RBM34: variants seen among roughly 807,000 people sequenced by gnomAD.
RBM34 encodes RNA binding motif protein 34.
Under a neutral mutation model 44.6 loss-of-function variants are expected in RBM34, and 39 were observed. The ratio of observed to expected loss-of-function variants is 0.87; its 90% CI spans 0.68 to 1.14. RBM34 has a LOEUF of 1.14. Ranked by LOEUF, RBM34 falls within the 50% of genes most tolerant of loss-of-function variation. The probability of loss-of-function intolerance (pLI) is 0.00; values close to 1 mark genes in which losing one functional copy is unlikely to be tolerated. For synonymous variants in RBM34, 194 were observed against 184.0 expected (o/e 1.05, Z -0.44); for missense variants, 572 against 517.9 (o/e 1.10, Z -1.01).
chr1:235,158,347 C>T (rs552908439), intron 3 of RBM34, among the ~76,000 whole-genome samples: 21 of 150,192 alleles, frequency 1.4e-4, no homozygotes, highest in Non-Finnish European at 2.7e-4. Context: ...AACCCAGAGG[C>T]GGAGGTTGCA....
intron 4 of RBM34, among the ~76,000 whole-genome samples, chr1:235,154,102 T>C (rs1164160698): frequency 6.6e-6 from 1 of 151,838 alleles, no homozygotes; most frequent in Admixed American, 6.6e-5. Context: ...AAAAATTAGC[T>C]GGGCGTGGTG....
intron 3 of RBM34, among the ~76,000 whole-genome samples, chr1:235,158,097 C>A (rs528935177): frequency 1.3e-5 from 2 of 151,434 alleles, no homozygotes; most frequent in Non-Finnish European, 2.9e-5. Context: ...AGATTAGAAT[C>A]GTGAGCACGT....
intron 3 of RBM34, among the ~76,000 whole-genome samples, chr1:235,158,737 G>C (rs1020102756): frequency 6.6e-6 from 1 of 152,172 alleles, no homozygotes; most frequent in Admixed American, 6.5e-5. Flanking sequence ...CTTGAGGAGA[G>C]TGGCAAAGAA....
intron 5 of RBM34, among the ~76,000 whole-genome samples, chr1:235,151,583 T>C (rs1662159851): frequency 6.6e-6 from 1 of 152,164 alleles, no homozygotes; most frequent in South Asian, 2.1e-4. Context: ...CAGGAGGTGC[T>C]ACCAGCATCT....
At chr1:235,135,860 G>T (rs541467825) in intron 9 of RBM34, 90 bp from the exon 10 acceptor site, 2 of 1,302,868 alleles carry the variant, frequency 1.5e-6, no homozygotes, top group Non-Finnish European at 1.1e-6. Context: ...GTTAAGCATG[G>T]TCCCATGAAA....
rs1268535863 is a variant in RBM34 at position 235,138,163 on chromosome 1, T to A, written c.713A>T (p.His238Leu). 2 of 1,594,878 alleles carry A rather than the reference T, an allele frequency of 1.3e-6. No individual in the cohort carries two copies. The highest frequency in any genetic ancestry group is 2.7e-5 in the African/African-American group (2 of 72,920). ...KKLAAIKRKIHPDQKNINAYV... is the reference protein window; with the variant it reads ...KKLAAIKRKILPDQKNINAYV... ...GGCATTAATATTTTTCTGATCAGGA[T>A]GAATTTTACGTCTACACCAAAAAAA... The change falls in exon 7 of 11, where the codon CAT (histidine) becomes CTT (leucine). Residue 238 changes from histidine (H) to leucine (L), a missense_variant. Coordinates refer to ENST00000408888, the MANE Select transcript of RBM34 (RefSeq NM_015014.4).
intron 10 of RBM34, among the ~76,000 whole-genome samples, chr1:235,132,417 T>A (rs1661247342): frequency 1.3e-5 from 2 of 152,212 alleles, no homozygotes; most frequent in South Asian, 4.1e-4. Context: ...CAAGCGATTC[T>A]CTTGCCTCAA....
chr1:235,140,326 G>C (rs976406559), intron 6 of RBM34, among the ~76,000 whole-genome samples: 10 of 152,134 alleles, frequency 6.6e-5, no homozygotes, highest in Non-Finnish European at 1.3e-4. Flanking sequence ...CGGCGCTTGC[G>C]GGCCAGCTGG....
At chr1:235,156,085 G>C (rs1358160679) in intron 3 of RBM34, among the ~76,000 whole-genome samples, 2 of 149,944 alleles carry the variant, frequency 1.3e-5, no homozygotes, top group Non-Finnish European at 3.0e-5. Context: ...GGCCAGGCTG[G>C]TCTCGAACTC....
chr1:235,134,476 TC>T (rs1373074350), intron 10 of RBM34, among the ~76,000 whole-genome samples: 4 of 152,138 alleles, frequency 2.6e-5, no homozygotes, highest in African/African-American at 4.8e-5. Context: ...ATTCTTTTAC[TC>T]CTTAATATTG....
In RBM34 at chr1:235,160,339, G is replaced by A. The variant is rs1415656923; in HGVS notation, c.365+172C>T. On this transcript the variant is annotated intron_variant, in intron 3 of 10. Coordinates refer to ENST00000408888, the MANE Select transcript of RBM34 (RefSeq NM_015014.4). The stretch of plus-strand genomic sequence containing the variant: ...CCAAATATTAGTAATTGCTGATGCT[G>A]AGTACACGGGGTTTCTTAGCCTTTT... 11 of 810,244 alleles carry A rather than the reference G, an allele frequency of 1.4e-5. No homozygotes were observed. In the East Asian group the frequency reaches 2.4e-4, roughly 18 times the overall value. 50.2% of individuals were successfully genotyped at this position (810,244 alleles called of 1,614,324 possible). A position where few individuals can be genotyped will look rare whatever the true frequency, so the allele number is the denominator to read the frequency against.
intron 6 of RBM34, among the ~76,000 whole-genome samples, chr1:235,140,387 C>G (rs1002847681): frequency 1.3e-5 from 2 of 152,116 alleles, no homozygotes. Flanking sequence ...AGCAGCCGGC[C>G]GGCCCTGCAG....
chr1:235,143,402 G>C (rs1325451384), intron 6 of RBM34, among the ~76,000 whole-genome samples: 2 of 152,194 alleles, frequency 1.3e-5, no homozygotes, highest in Non-Finnish European at 2.9e-5. Flanking sequence ...GCAGTTTTAT[G>C]TATAATAGCC....
chr1:235,143,146 C>G (rs920602897), intron 6 of RBM34, among the ~76,000 whole-genome samples: 1 of 152,062 alleles, frequency 6.6e-6, no homozygotes, highest in East Asian at 1.9e-4. Flanking sequence ...ACATAAGATG[C>G]CTAACATTTT....
rs780027631 is a variant in RBM34 at position 235,131,595 on chromosome 1, T to C, written c.*118A>G. 1 of 1,135,116 alleles carries C rather than the reference T, an allele frequency of 8.8e-7. No homozygotes were observed. The highest frequency in any genetic ancestry group is 1.3e-6 in the Non-Finnish European group (1 of 798,954). 70.3% of individuals were successfully genotyped at this position (1,135,116 alleles called of 1,614,324 possible). ...AATGTGGAAGTCTCCACATTTCACA[T>C]ACACCATCCATAAAGAAGTATAAAA... On this transcript the variant is annotated 3_prime_UTR_variant, in exon 11 of 11. Transcript: ENST00000408888.
intron 3 of RBM34, 149 bp from the exon 4 acceptor site, chr1:235,155,261 T>A: frequency 1.5e-6 from 1 of 676,676 alleles, no homozygotes; most frequent in East Asian, 2.8e-5. Context: ...TATATCAAAA[T>A]TTTTAGAGCA....
Position 235,161,032 on chromosome 1 carries a change from G to C in RBM34, c.89C>G (p.Pro30Arg). The change falls in exon 2 of 11, where the codon CCG becomes CGG. Residue 30 changes from proline to arginine, a missense_variant. Pro to Arg is a moderately radical substitution (Grantham distance 103). Coordinates refer to ENST00000408888, the MANE Select transcript of RBM34 (RefSeq NM_015014.4). Reference sequence around the variant, plus strand: ...GACCTGTCCAAGCCTGTAGTCTTCCGGCGGACTCCCGCGAACGCCGTCGTC... The same window carrying C: ...GACCTGTCCAAGCCTGTAGTCTTCCCGCGGACTCCCGCGAACGCCGTCGTC... Reference protein sequence around the residue: ...NPDDGVRGSPPEDYRLGQVAS... With the variant: ...NPDDGVRGSPREDYRLGQVAS... 6.2e-7 allele frequency: 1 copy of C among 1,613,908 alleles called. No individual in the cohort carries two copies. The highest frequency in any genetic ancestry group is 1.1e-5 in the South Asian group (1 of 91,070).
At chr1:235,155,303 A>C (rs1377971243) in intron 3 of RBM34, among the ~76,000 whole-genome samples, 191 bp from the exon 4 acceptor site, 1 of 151,900 alleles carries the variant, frequency 6.6e-6, no homozygotes, top group Non-Finnish European at 1.5e-5. Context: ...GTATCTTTAG[A>C]AAAAAAATGA....
chr1:235,132,666 C>T (rs556881953), intron 10 of RBM34, among the ~76,000 whole-genome samples: 1 of 152,212 alleles, frequency 6.6e-6, no homozygotes, highest in South Asian at 2.1e-4. Context: ...TCTGTCAAAG[C>T]CCCATTGTAT....
Sources: gnomAD v4.1 joint callset for allele counts (sites outside exome capture counted in the v4.1 genomes callset) on GRCh38, gnomAD v4.1.1 for gene constraint, MANE v1.5 for transcripts, NCBI Gene and HGNC (gene_info 2026-07-23, HGNC 2026-07-21) for gene names.